Variants in RBMS3 observed in about 807,000 individuals in gnomAD.
The protein encoded by RBMS3 is RNA binding motif single stranded interacting protein 3, also known as RNA-binding motif, single-stranded-interacting protein 3.
Under a neutral mutation model 66.8 loss-of-function variants are expected in RBMS3, and 27 were observed. The observed-to-expected ratio is 0.40, with a 90% CI of 0.30 to 0.56. The LOEUF (loss-of-function observed/expected upper bound fraction) is 0.56, where lower values mean the gene tolerates loss of function less well. RBMS3 is among the 20% of genes least tolerant of loss of function. The pLI is 0.40. For synonymous variants in RBMS3, 188 were observed against 183.0 expected (o/e 1.03, Z -0.22); for missense variants, 513 against 549.5 (o/e 0.93, Z 0.66).
At chr3:29,836,566 G>A (rs182814646) in intron 6 of RBMS3, among the ~76,000 whole-genome samples, 133 of 151,976 alleles carry the variant, frequency 8.8e-4, no homozygotes, top group Admixed American at 5.1e-3. Flanking sequence ...GGGGAAAATG[G>A]GTAGATGTTG....
chr3:29,726,539 A>G (rs1559609778), intron 4 of RBMS3, among the ~76,000 whole-genome samples: 1 of 152,232 alleles, frequency 6.6e-6, no homozygotes, highest in African/African-American at 2.4e-5. Context: ...ATGTGCAAAA[A>G]TCACAATCAT....
At chr3:30,001,689 T>C (rs1699615784) in intron 14 of RBMS3, among the ~76,000 whole-genome samples, 1 of 151,988 alleles carries the variant, frequency 6.6e-6, no homozygotes, top group African/African-American at 2.4e-5. Flanking sequence ...AATAATACAT[T>C]GTATGTGCAC....
At chr3:29,555,364 A>G (rs988634696) in intron 3 of RBMS3, among the ~76,000 whole-genome samples, 1 of 152,134 alleles carries the variant, frequency 6.6e-6, no homozygotes, top group Non-Finnish European at 1.5e-5. Context: ...CTTCATCCCA[A>G]CCGTTCTCTT....
At chr3:29,869,659 G>C (rs2059443387) in intron 7 of RBMS3, among the ~76,000 whole-genome samples, 1 of 152,062 alleles carries the variant, frequency 6.6e-6, no homozygotes, top group Admixed American at 6.6e-5. Flanking sequence ...TTAGGAATGG[G>C]TTCTTTTTGT....
intron 6 of RBMS3, among the ~76,000 whole-genome samples, chr3:29,849,571 C>T (rs1231458854): frequency 1.3e-5 from 2 of 149,830 alleles, no homozygotes; most frequent in African/African-American, 4.9e-5. Context: ...TTTTTGTCAA[C>T]TGTAGTATTT....
intron 2 of RBMS3, among the ~76,000 whole-genome samples, chr3:29,473,564 C>G (rs914491195): frequency 1.3e-5 from 2 of 152,296 alleles, no homozygotes; most frequent in Middle Eastern, 3.4e-3. Context: ...GGGTGGCGCT[C>G]GTTGGGGAGG....
chr3:29,865,106 G>GAGGA (rs545730115), intron 6 of RBMS3, among the ~76,000 whole-genome samples: 12,032 of 127,070 alleles, frequency 0.095, 1,273 homozygotes, highest in African/African-American at 0.27. Flanking sequence ...GGGAGGGAGG[G>GAGGA]AGGAAGGAAG....
chr3:29,673,135 TC>T (rs2051079141), intron 4 of RBMS3, among the ~76,000 whole-genome samples: 1 of 152,196 alleles, frequency 6.6e-6, no homozygotes, highest in Non-Finnish European at 1.5e-5. Flanking sequence ...AACAACCTGT[TC>T]CTGAATGACT....
At chr3:29,451,005 GT>G (rs2042000999) in intron 2 of RBMS3, among the ~76,000 whole-genome samples, 2 of 151,744 alleles carry the variant, frequency 1.3e-5, no homozygotes, top group African/African-American at 4.8e-5. Context: ...TTCCTCAAAG[GT>G]AGGCACGGTA....
intron 4 of RBMS3, among the ~76,000 whole-genome samples, chr3:29,627,660 C>T (rs920434112): frequency 1.3e-5 from 2 of 152,066 alleles, no homozygotes; most frequent in East Asian, 3.9e-4. Context: ...AAGTGTTTGC[C>T]TTTTAATAAT....
intron 6 of RBMS3, among the ~76,000 whole-genome samples, chr3:29,790,029 C>G (rs1030540540): frequency 5.9e-5 from 9 of 152,130 alleles, no homozygotes; most frequent in African/African-American, 2.2e-4. Context: ...GGTGTTATAT[C>G]ATCTTATAAC....
chr3:29,758,370 A>G (rs916366845), intron 5 of RBMS3, among the ~76,000 whole-genome samples: 8 of 152,232 alleles, frequency 5.3e-5, no homozygotes, highest in African/African-American at 1.7e-4. Flanking sequence ...AGCCAATCAC[A>G]GTCTTCTAGT....
intron 4 of RBMS3, among the ~76,000 whole-genome samples, chr3:29,664,697 T>TGCC (rs1225830664): frequency 1.5e-4 from 23 of 151,220 alleles, no homozygotes; most frequent in African/African-American, 5.6e-4. Context: ...AAAAAGTACT[T>TGCC]TATTTTTTTT....
chr3:29,479,123 C>T (rs180947600), intron 2 of RBMS3, among the ~76,000 whole-genome samples: 1 of 152,038 alleles, frequency 6.6e-6, no homozygotes, highest in African/African-American at 2.4e-5. Context: ...AACTTAAGTG[C>T]TGCATGAACT....
intron 1 of RBMS3, among the ~76,000 whole-genome samples, chr3:29,374,835 A>G (rs772371318): frequency 1.3e-5 from 2 of 152,244 alleles, no homozygotes; most frequent in South Asian, 2.1e-4. Flanking sequence ...ATGTTTTACC[A>G]TTATCTATGC....
At chr3:29,937,199 T>C (rs2061288796) in intron 11 of RBMS3, among the ~76,000 whole-genome samples, 1 of 152,004 alleles carries the variant, frequency 6.6e-6, no homozygotes, top group South Asian at 2.1e-4. Context: ...ATATCTCTAG[T>C]CTGAATTTTT....
chr3:29,940,853 G>A (rs1235716790), intron 11 of RBMS3, among the ~76,000 whole-genome samples: 1 of 151,264 alleles, frequency 6.6e-6, no homozygotes, highest in Non-Finnish European at 1.5e-5. Context: ...TTCTACTTTT[G>A]TTTATTTTTT....
At chr3:29,675,598 C>T (rs2051210699) in intron 4 of RBMS3, among the ~76,000 whole-genome samples, 1 of 152,020 alleles carries the variant, frequency 6.6e-6, no homozygotes, top group African/African-American at 2.4e-5. Flanking sequence ...TCAAACAACC[C>T]CATCAAAAAA....
At chr3:29,951,052 C>T (rs552891781) in intron 12 of RBMS3, among the ~76,000 whole-genome samples, 1 of 152,006 alleles carries the variant, frequency 6.6e-6, no homozygotes, top group South Asian at 2.1e-4. Context: ...TTGCTCTTAA[C>T]TGTTTGTTGA....
Sources: allele counts gnomAD v4.1 joint callset (sites outside exome capture counted in the v4.1 genomes callset), GRCh38; gene constraint gnomAD v4.1.1; transcripts MANE v1.5; gene names NCBI Gene and HGNC (gene_info 2026-07-23, HGNC 2026-07-21).